Variants in OR2J2 observed in about 807,000 individuals in gnomAD.
OR2J2 encodes the protein olfactory receptor family 2 subfamily J member 2.
Under a neutral mutation model 16.9 loss-of-function variants are expected in OR2J2, and 13 were observed. The ratio of observed to expected loss-of-function variants is 0.77; its 90% CI spans 0.50 to 1.23. OR2J2 has a LOEUF of 1.23. Among genes scored for constraint, OR2J2 ranks in the 50% most tolerant of loss-of-function variants. The pLI, the probability that OR2J2 is intolerant of heterozygous loss-of-function variation, is 0.00. For missense variants in OR2J2, 341 were observed against 379.1 expected, an observed-to-expected ratio of 0.90 and a Z score of 0.84; for synonymous variants, 125 against 141.2, an observed-to-expected ratio of 0.89 and a Z score of 0.81.
chr6:29,172,278 A>G (rs3129155), intron 1 of OR2J2, among the ~76,000 whole-genome samples: 118,078 of 151,874 alleles, frequency 0.78, 46,637 homozygotes, highest in Non-Finnish European at 0.85. Context: ...GGCTGGTCTC[A>G]AACTCCTGAC....
intron 1 of OR2J2, among the ~76,000 whole-genome samples, chr6:29,172,893 T>C (rs1364933099): frequency 6.6e-6 from 1 of 152,152 alleles, no homozygotes; most frequent in Admixed American, 6.6e-5. Context: ...CCAAACACTC[T>C]CCATTTCTCT....
chr6:29,171,651 A>G (rs1407641347), intron 1 of OR2J2, among the ~76,000 whole-genome samples: 1 of 152,080 alleles, frequency 6.6e-6, no homozygotes, highest in Non-Finnish European at 1.5e-5. Flanking sequence ...GTCATATAAC[A>G]GATAGTTATC....
intron 1 of OR2J2, among the ~76,000 whole-genome samples, chr6:29,171,740 AG>A (rs1284947959): frequency 6.6e-6 from 1 of 152,162 alleles, no homozygotes; most frequent in Non-Finnish European, 1.5e-5. Flanking sequence ...CATCAGCAAA[AG>A]TATCCACAGC....
chr6:29,172,857 T>G (rs998163372), intron 1 of OR2J2, among the ~76,000 whole-genome samples: 1 of 152,168 alleles, frequency 6.6e-6, no homozygotes, highest in African/African-American at 2.4e-5. Flanking sequence ...CATACCACAT[T>G]CAGACCTCTC....
At chr6:29,173,339 A>G (rs1203129511) in intron 1 of OR2J2, 6 of 299,842 alleles carry the variant, frequency 2.0e-5, no homozygotes, top group Non-Finnish European at 3.0e-5. Context: ...ATCATTTTTC[A>G]TAAATATTGT....
chr6:29,173,692 T>C lies in OR2J2; in HGVS notation c.57T>C (p.Ser19=). The change falls in exon 2 of 2, where the codon TCT becomes TCC. Residue 19 remains serine (S), a synonymous_variant. Transcript: ENST00000641417. ...ACTTCTTTATTCTACTTGGATTTTC[T>C]AATTGGCCTCAGCTGGAAGTAGTTC... The part of the protein sequence containing the change: ...SEDFFILLGF[S]NWPQLEVVLF... 6.2e-7 allele frequency: 1 copy of C among 1,613,180 alleles called. No individual in the cohort carries two copies. The highest frequency in any genetic ancestry group is 2.2e-5 in the East Asian group (1 of 44,842).
intron 1 of OR2J2, 24 bp from the exon 2 acceptor site, chr6:29,173,595 G>C: frequency 6.8e-7 from 1 of 1,477,842 alleles, no homozygotes; most frequent in South Asian, 1.3e-5. Context: ...GACAGACTTT[G>C]AGTTTATGTG....
rs567598598 is a variant in OR2J2, at chr6:29,174,141, T to G, written c.506T>G (p.Leu169Arg). The G allele has an allele frequency of 6.2e-7, 1 of 1,613,770 alleles. No homozygotes were observed. Among genetic ancestry groups the G allele is most frequent in the African/African-American group, 1.3e-5 (1 of 74,936 alleles). Residue 169 changes from leucine (L) to arginine (R), a missense_variant, in exon 2 of 2, where the codon CTT (leucine) becomes CGT (arginine). By Grantham distance (102) the Leu-to-Arg change is moderately radical. Coordinates refer to ENST00000641417, the MANE Select transcript of OR2J2 (RefSeq NM_030905.3). ...TCCTCCTTTACTTTCTGGGTACCCC[T>G]TTGTGGACATCGCCTAGTGGATCAC... ...LHSSFTFWVP[L>R]CGHRLVDHFF...
In OR2J2 at chr6:29,175,482, T is replaced by TA. The variant is rs1765807295; in HGVS notation, c.*913dup. 1 of 152,006 alleles carries TA rather than the reference T, an allele frequency of 6.6e-6. No individual in the cohort carries two copies. The highest frequency in any genetic ancestry group is 2.4e-5 in the African/African-American group (1 of 41,434). 9.4% of individuals were successfully genotyped at this position (152,006 alleles called of 1,614,324 possible). The stretch of plus-strand genomic sequence containing the variant: ...TTGTATAAATCTTTCTTTCACTTTT[T>TA]AAAAATCAAAAACAAGGCCGAGCAC... On this transcript the variant is annotated 3_prime_UTR_variant, in exon 2 of 2. Transcript: ENST00000641417.
chr6:29,175,779 A>G lies in OR2J2; in HGVS notation c.*1205A>G, dbSNP rs1421972167. The G allele has an allele frequency of 1.3e-5, 2 of 152,086 alleles. No individual in the cohort carries two copies. Among genetic ancestry groups the G allele is most frequent in the Non-Finnish European group, 2.9e-5 (2 of 68,010 alleles). The allele number at this position is 152,086 out of a possible 1,614,324, so 9.4% of individuals were successfully genotyped here. A position where few individuals can be genotyped will look rare whatever the true frequency, so the allele number is the denominator to read the frequency against. ...TAAAATTATTGGGATTGCAATTGTT[A>G]TGTTTTCTATAATCACATTTTTGAA... is the stretch of plus-strand genomic sequence containing the variant. On this transcript the variant is annotated 3_prime_UTR_variant, in exon 2 of 2. Coordinates refer to ENST00000641417, the MANE Select transcript of OR2J2 (RefSeq NM_030905.3).
intron 1 of OR2J2, among the ~76,000 whole-genome samples, chr6:29,172,280 A>T (rs1205228556): frequency 1.3e-5 from 2 of 151,822 alleles, no homozygotes; most frequent in Non-Finnish European, 2.9e-5. Flanking sequence ...CTGGTCTCAA[A>T]CTCCTGACCT....
rs757242517 is a variant in OR2J2, at chr6:29,174,591, T to C, written c.*17T>C. The stretch of plus-strand genomic sequence containing the variant: ...GGGAAGTGACAGGGAAATCATGTTG[T>C]CTGTTGTCATTGTTTTTCCTAGGGT... On this transcript the variant is annotated 3_prime_UTR_variant, in exon 2 of 2. Transcript: ENST00000641417. The C allele has an allele frequency of 4.5e-6, 7 of 1,559,692 alleles. No homozygotes were observed. The Admixed American group carries it at 1.1e-4, about 24-fold the overall frequency.
At chr6:29,173,586 A>G in intron 1 of OR2J2, 33 bp from the exon 2 acceptor site, 3 of 1,423,130 alleles carry the variant, frequency 2.1e-6, no homozygotes, top group Non-Finnish European at 2.9e-6. Flanking sequence ...CAATGCATGG[A>G]CAGACTTTGA....
rs1371817098 is a variant in OR2J2 at position 29,175,724 on chromosome 6, A to G, written c.*1150A>G. 1.3e-5 allele frequency: 2 copies of G among 152,266 alleles called. No individual in the cohort carries two copies. Among genetic ancestry groups the G allele is most frequent in the Middle Eastern group, 3.4e-3 (1 of 294 alleles). 9.4% of individuals were successfully genotyped at this position (152,266 alleles called of 1,614,324 possible). A position where few individuals can be genotyped will look rare whatever the true frequency, so the allele number is the denominator to read the frequency against. On this transcript the variant is annotated 3_prime_UTR_variant, in exon 2 of 2. Transcript: ENST00000641417. ...CATTTTGAAATCACTACTAAATTCA[A>G]TATTTTCAACATATTATTTCATCCG... is the stretch of plus-strand genomic sequence containing the variant.
rs41270628 is a variant in OR2J2, at chr6:29,174,540, C to T, written c.905C>T (p.Ala302Val). ...TLRNKHVKGA[A>V]KRLLGWEWGK Reference sequence around the variant, plus strand: ...AGAAACAAGCATGTAAAAGGGGCAGCGAAGAGACTATTGGGGTGGGAGTGG... The same window carrying T: ...AGAAACAAGCATGTAAAAGGGGCAGTGAAGAGACTATTGGGGTGGGAGTGG... Residue 302 changes from alanine (A) to valine (V), a missense_variant, in exon 2 of 2, where the codon GCG becomes GTG. Physicochemically the swap from Ala to Val is moderately conservative, Grantham distance 64. Transcript: ENST00000641417. 15,891 of 1,612,014 alleles carry T rather than the reference C, an allele frequency of 9.9e-3. 128 individuals carry two copies. Among genetic ancestry groups the T allele is most frequent in the African/African-American group, 0.02 (1,487 of 74,944 alleles).
At chr6:29,172,051 G>T (rs1765519273) in intron 1 of OR2J2, among the ~76,000 whole-genome samples, 1 of 151,934 alleles carries the variant, frequency 6.6e-6, no homozygotes, top group South Asian at 2.1e-4. Context: ...AGGTGAGTCG[G>T]GTGTAGATAT....
In OR2J2 at chr6:29,173,622, T is replaced by C. The variant is rs751383956; in HGVS notation, c.-14T>C. ...GTTTATGTGGTTCTTTCTTTAGGTA[T>C]AAGAAAAAGATGAATGATGATTAAA... On this transcript the variant is annotated 5_prime_UTR_variant, in exon 2 of 2. Coordinates refer to ENST00000641417, the MANE Select transcript of OR2J2 (RefSeq NM_030905.3). The C allele has an allele frequency of 1.3e-6, 2 of 1,562,250 alleles. No homozygotes were observed. Among genetic ancestry groups the C allele is most frequent in the South Asian group, 2.4e-5 (2 of 83,454 alleles).
Position 29,174,716 on chromosome 6 carries a change from T to G in OR2J2, c.*142T>G. On this transcript the variant is annotated 3_prime_UTR_variant, in exon 2 of 2. Coordinates refer to ENST00000641417, the MANE Select transcript of OR2J2 (RefSeq NM_030905.3). ...AGTTCAGTCTCACATTTGTTGCTCT[T>G]TTTATTATTTAGTTCTGAAATATTA... 1.7e-6 allele frequency: 1 copy of G among 589,998 alleles called. No individual in the cohort carries two copies. The highest frequency in any genetic ancestry group is 2.8e-6 in the Non-Finnish European group (1 of 357,158). The allele number at this position is 589,998 out of a possible 1,614,324, so 36.5% of individuals were successfully genotyped here.
In OR2J2 at chr6:29,174,035, A is replaced by C. The variant is rs763746578; in HGVS notation, c.400A>C (p.Thr134Pro). 1.2e-6 allele frequency: 2 copies of C among 1,612,864 alleles called. No individual in the cohort carries two copies. Among genetic ancestry groups the C allele is most frequent in the Non-Finnish European group, 1.7e-6 (2 of 1,179,668 alleles). The change falls in exon 2 of 2, where the codon ACT becomes CCT. Residue 134 changes from threonine (T) to proline (P), a missense_variant. Coordinates refer to ENST00000641417, the MANE Select transcript of OR2J2 (RefSeq NM_030905.3). ...YVAVCRPLHY[T>P]VLMHPRFCHL... ...AGCTGTGTGTAGACCTTTGCATTAC[A>C]CTGTCCTCATGCACCCTCGTTTCTG...
Sources: gnomAD v4.1 joint callset for allele counts (sites outside exome capture counted in the v4.1 genomes callset) on GRCh38, gnomAD v4.1.1 for gene constraint, MANE v1.5 for transcripts, NCBI Gene and HGNC (gene_info 2026-07-23, HGNC 2026-07-21) for gene names.